SPTB: variants seen among roughly 807,000 people sequenced by gnomAD.
SPTB encodes the protein spectrin beta, erythrocytic, also known as spectrin beta chain, erythrocytic.
A neutral mutation model predicts 256.2 loss-of-function variants in SPTB; 45 were observed. The ratio of observed to expected loss-of-function variants is 0.18; its 90% CI spans 0.14 to 0.23. The LOEUF is 0.23. Ranked by LOEUF, SPTB falls within the 10% of genes least tolerant of loss-of-function variation. The pLI, the probability that SPTB is intolerant of heterozygous loss-of-function variation, is 1.00. For missense variants in SPTB, 2,715 were observed against 3,040.4 expected (o/e 0.89, Z 2.52); for synonymous variants, 1,231 against 1,243.1 (o/e 0.99, Z 0.21).
rs2083684412 is a variant in SPTB at position 64,845,911 on chromosome 14, G to A, written c.-51-22766C>T. ...AATATTGACTTTCCAAAAAAAACCC[G>A]CTCTACATTTTATGCATAAAGTAGG... On this transcript the variant is annotated intron_variant, in intron 1 of 35. Transcript: ENST00000644917. This position sits in a 1 kb window ranked among gnomAD's most constrained non-coding sequence, Gnocchi z 4.8. Among the ~76,000 whole-genome samples, 1 of 152,056 alleles carries A rather than the reference G, an allele frequency of 6.6e-6. No individual in the cohort carries two copies. Among genetic ancestry groups the A allele is most frequent in the African/African-American group, 2.4e-5 (1 of 41,378 alleles).
Position 64,826,530 on chromosome 14 carries a change from C to G in SPTB, c.-51-3385G>C, listed in dbSNP as rs1268199435. On this transcript the variant is annotated intron_variant, in intron 1 of 35. Transcript: ENST00000644917. This position sits in a 1 kb window ranked among gnomAD's most constrained non-coding sequence, Gnocchi z 4.4. ...TCATCTGCACATCTAGAGTGGCCTTCCATGAGTCACGGAGGACCGCAAATA... is the reference window on the plus strand; with the variant it reads ...TCATCTGCACATCTAGAGTGGCCTTGCATGAGTCACGGAGGACCGCAAATA... 2.0e-5 allele frequency among the ~76,000 whole-genome samples: 3 copies of G among 152,142 alleles called. No homozygotes were observed. The highest frequency in any genetic ancestry group is 2.9e-5 in the Non-Finnish European group (2 of 68,024).
intron 1 of SPTB, among the ~76,000 whole-genome samples, chr14:64,876,018 A>T (rs551107736): frequency 6.6e-6 from 1 of 152,166 alleles, no homozygotes; most frequent in Non-Finnish European, 1.5e-5. Context: ...TCCAGGCTGG[A>T]GTACAGTGGC....
intron 32 of SPTB, chr14:64,756,646 T>C (rs1035142941): frequency 2.6e-5 from 4 of 152,250 alleles, no homozygotes; most frequent in Non-Finnish European, 5.9e-5. Context: ...ACTTGGTCTC[T>C]TGGCCGAATT....
In SPTB at chr14:64,748,462, T is replaced by C. The variant is rs1207468967; in HGVS notation, c.*844A>G. The C allele has an allele frequency of 6.6e-6, 1 of 152,232 alleles. No homozygotes were observed. Among genetic ancestry groups the C allele is most frequent in the East Asian group, 1.9e-4 (1 of 5,178 alleles). 9.4% of individuals were successfully genotyped at this position (152,232 alleles called of 1,614,324 possible). A position where few individuals can be genotyped will look rare whatever the true frequency, so the allele number is the denominator to read the frequency against. On this transcript the variant is annotated 3_prime_UTR_variant, in exon 36 of 36. Transcript: ENST00000644917. ...GTGTTGTGACGCACCTGTCACTCCT[T>C]CAGATCAGAGCCCTGTGCCCTAGCC...
intron 9 of SPTB, among the ~76,000 whole-genome samples, chr14:64,798,581 G>T (rs1013377850): frequency 2.0e-5 from 3 of 152,210 alleles, no homozygotes; most frequent in Admixed American, 2.0e-4. Flanking sequence ...CCCACCCTGA[G>T]CCCAGCCTAA....
At chr14:64,836,348 C>T (rs931255291) in intron 1 of SPTB, among the ~76,000 whole-genome samples, 12 of 152,106 alleles carry the variant, frequency 7.9e-5, no homozygotes, top group African/African-American at 2.9e-4. Context: ...ACACTCGCCA[C>T]CTAACACATA....
rs1190927932 is a variant in SPTB at position 64,760,630 on chromosome 14, G to A, written c.6345+6096C>T. Among the ~76,000 whole-genome samples the A allele has an allele frequency of 3.9e-5, 6 of 152,190 alleles. No homozygotes were observed. Among genetic ancestry groups the A allele is most frequent in the Admixed American group, 3.9e-4 (6 of 15,286 alleles). ...CTGAATTCATGTTAGAATTCACATG[G>A]AGGATGCTACTTTTAAGAGATGAAG... On this transcript the variant is annotated intron_variant, in intron 32 of 35. Coordinates refer to ENST00000644917, the MANE Select transcript of SPTB (RefSeq NM_001355436.2). This position sits in a 1 kb window ranked among gnomAD's most constrained non-coding sequence, Gnocchi z 4.3.
chr14:64,815,718 C>T (rs935705903), intron 2 of SPTB, among the ~76,000 whole-genome samples: 2 of 152,200 alleles, frequency 1.3e-5, no homozygotes, highest in African/African-American at 4.8e-5. Context: ...TGAAAAGGAT[C>T]AGTTCCCTTC....
intron 2 of SPTB, among the ~76,000 whole-genome samples, chr14:64,819,617 C>G (rs1403724311): frequency 6.6e-6 from 1 of 152,146 alleles, no homozygotes; most frequent in Admixed American, 6.5e-5. Context: ...GAGCCCAGAG[C>G]TCCAAGCACA....
rs1293094680 is a variant in SPTB at position 64,847,180 on chromosome 14, AAATTAAAACAGAATT to A, written c.-51-24050_-51-24036del. On this transcript the variant is annotated intron_variant, in intron 1 of 35. Coordinates refer to ENST00000644917, the MANE Select transcript of SPTB (RefSeq NM_001355436.2). The surrounding 1 kb of genome is among the most constrained non-coding windows in gnomAD (Gnocchi z 5.9). The stretch of plus-strand genomic sequence containing the variant: ...AGGACCTAATCTTCAAAGCTCCAGA[AAATTAAAACAGAATT>A]TCACTAGGAAACAGTGACCCCAAAG... 6.6e-6 allele frequency among the ~76,000 whole-genome samples: 1 copy of A among 152,230 alleles called. No homozygotes were observed. The highest frequency in any genetic ancestry group is 1.5e-5 in the Non-Finnish European group (1 of 68,046).
intron 25 of SPTB, 93 bp from the exon 26 acceptor site, chr14:64,773,047 C>T: frequency 6.4e-7 from 1 of 1,567,830 alleles, no homozygotes; most frequent in Non-Finnish European, 8.6e-7. Context: ...GCAGCAACTG[C>T]AGCTCCGGGA....
At position 64,793,516 on chromosome 14, in the gene SPTB, G is replaced by T. The variant is rs1301121444; in HGVS notation, c.2147C>A (p.Ala716Asp). ...RKQFGHPQIEARIKEVSAQWD... is the reference protein window; with the variant it reads ...RKQFGHPQIEDRIKEVSAQWD... ...CTGTGCCGACACCTCCTTTATGCGG[G>T]CCTCGATCTGCGGGTGCCCAAACTG... The change falls in exon 14 of 36, where the codon GCC (alanine) becomes GAC (aspartate). Residue 716 changes from alanine to aspartate, a missense_variant. Transcript: ENST00000644917. This position sits in a 1 kb window ranked among gnomAD's most constrained non-coding sequence, Gnocchi z 7.0. 4 of 1,614,150 alleles carry T rather than the reference G, an allele frequency of 2.5e-6. No homozygotes were observed. Among genetic ancestry groups the T allele is most frequent in the Non-Finnish European group, 3.4e-6 (4 of 1,180,026 alleles).
intron 20 of SPTB, 125 bp downstream of exon 20, chr14:64,782,165 T>A (rs2082482860): frequency 7.4e-7 from 1 of 1,351,460 alleles, no homozygotes; most frequent in Non-Finnish European, 1.0e-6. Context: ...CCCCATGACA[T>A]GTGTTTATCT....
chr14:64,796,477 C>T lies in SPTB; in HGVS notation c.1341+80G>A. On this transcript the variant is annotated intron_variant, in intron 11 of 35. Transcript: ENST00000644917. The surrounding 1 kb of genome is among the most constrained non-coding windows in gnomAD (Gnocchi z 4.1). Reference sequence around the variant, plus strand: ...ACGAGGAGAGGCTGTGAGAAGCCAGCTTGGACTCCAGCCCAGCCAAGAGCT... The same window carrying T: ...ACGAGGAGAGGCTGTGAGAAGCCAGTTTGGACTCCAGCCCAGCCAAGAGCT... 1 of 1,601,180 alleles carries T rather than the reference C, an allele frequency of 6.2e-7. No individual in the cohort carries two copies. The highest frequency in any genetic ancestry group is 8.5e-7 in the Non-Finnish European group (1 of 1,171,574).
In SPTB at chr14:64,795,333, C is replaced by T; in HGVS notation, c.1644+4G>A. On this transcript the variant is annotated splice_donor_region_variant and intron_variant, in intron 12 of 35. Transcript: ENST00000644917. This position sits in a 1 kb window ranked among gnomAD's most constrained non-coding sequence, Gnocchi z 6.5. Reference sequence around the variant, plus strand: ...GCATGGCGGGGGCGGCCCCCAGGGCCCACCTTGATCTCATCCATCCAGTCG... The same window carrying T: ...GCATGGCGGGGGCGGCCCCCAGGGCTCACCTTGATCTCATCCATCCAGTCG... The T allele has an allele frequency of 1.2e-6, 2 of 1,604,642 alleles. No homozygotes were observed. Among genetic ancestry groups the T allele is most frequent in the Non-Finnish European group, 1.7e-6 (2 of 1,179,870 alleles).
In SPTB at chr14:64,807,437, C is replaced by T. The variant is rs1594798600; in HGVS notation, c.149-2347G>A. Among the ~76,000 whole-genome samples, 1 of 152,328 alleles carries T rather than the reference C, an allele frequency of 6.6e-6. No individual in the cohort carries two copies. Among genetic ancestry groups the T allele is most frequent in the East Asian group, 1.9e-4 (1 of 5,184 alleles). ...CCTTAGATCTCCCCAGTTTTTACCA[C>T]ATGAATGATGCCCCCTGGACCCTCA... On this transcript the variant is annotated intron_variant, in intron 2 of 35. Transcript: ENST00000644917. This position sits in a 1 kb window ranked among gnomAD's most constrained non-coding sequence, Gnocchi z 4.7.
chr14:64,823,109 A>G lies in SPTB; in HGVS notation c.-15T>C. ...GCCGATGTCATGTCAGCAGGCTCTT[A>G]GCAGCTCCGCCTGCCTCAGTCTTCA... On this transcript the variant is annotated 5_prime_UTR_variant, in exon 2 of 36. Coordinates refer to ENST00000644917, the MANE Select transcript of SPTB (RefSeq NM_001355436.2). This position sits in a 1 kb window ranked among gnomAD's most constrained non-coding sequence, Gnocchi z 6.5. 1 of 1,613,924 alleles carries G rather than the reference A, an allele frequency of 6.2e-7. No individual in the cohort carries two copies.
In SPTB at chr14:64,770,957, A is replaced by G. The variant is rs576500528; in HGVS notation, c.5726T>C (p.Phe1909Ser). 3.4e-5 allele frequency: 55 copies of G among 1,614,074 alleles called. No individual in the cohort carries two copies. The East Asian group carries it at 1.1e-3, about 33-fold the overall frequency. ...LVDTADKFRF[F>S]SMARDLLSWM... ...GGAGAGGAGGTCACGGGCCATGCTG[A>G]AGAAGCGGAATTTATCCGCCGTGTC... Residue 1909 changes from phenylalanine to serine, a missense_variant, in exon 27 of 36, where the codon TTC (phenylalanine) becomes TCC (serine). By Grantham distance (155) the Phe-to-Ser change is radical. This residue lies in a region of SPTB where 2,239 missense variants were observed against 2,384.4 expected (regional missense o/e 0.94). Coordinates refer to ENST00000644917, the MANE Select transcript of SPTB (RefSeq NM_001355436.2).
intron 32 of SPTB, among the ~76,000 whole-genome samples, chr14:64,762,874 G>A (rs2082113726): frequency 1.3e-5 from 2 of 152,204 alleles, no homozygotes; most frequent in Non-Finnish European, 2.9e-5. Context: ...AGGCAGGCAG[G>A]GTATGTTTAT....
Sources: gnomAD v4.1 joint callset for allele counts (sites outside exome capture counted in the v4.1 genomes callset) on GRCh38, gnomAD v4.1.1 for gene constraint, gnomAD v4.1.1 regional missense constraint, Gnocchi (gnomAD v3.1) non-coding constraint, MANE v1.5 for transcripts, NCBI Gene and HGNC (gene_info 2026-07-23, HGNC 2026-07-21) for gene names.